SHANK2: variants seen among roughly 807,000 people sequenced by gnomAD.
SHANK2 encodes SH3 and multiple ankyrin repeat domains protein 2.
SHANK2 carries 43 observed loss-of-function variants against 133.7 expected under a neutral mutation model. The ratio of observed to expected loss-of-function variants is 0.32; its 90% CI spans 0.25 to 0.41. The LOEUF is 0.41. Among genes scored for constraint, SHANK2 ranks in the 10% least tolerant of loss-of-function variants. The pLI, the probability that SHANK2 is intolerant of heterozygous loss-of-function variation, is 1.00. For synonymous variants in SHANK2, 1,017 were observed against 952.8 expected (o/e 1.07, Z -1.24); for missense variants, 1,994 against 2,235.8 (o/e 0.89, Z 2.18).
At chr11:70,680,351 G>A (rs1236409664) in intron 15 of SHANK2, among the ~76,000 whole-genome samples, 1 of 152,160 alleles carries the variant, frequency 6.6e-6, no homozygotes, top group Admixed American at 6.5e-5. Flanking sequence ...GTCTCACTGG[G>A]CTAAGACTGA....
At chr11:70,659,624 C>T (rs539095615) in intron 17 of SHANK2, among the ~76,000 whole-genome samples, 24 of 152,324 alleles carry the variant, frequency 1.6e-4, no homozygotes, top group East Asian at 1.4e-3. Context: ...CAACGGGTTA[C>T]GGCCAAGGCC....
At chr11:71,236,152 C>T (rs1410397684) in intron 1 of SHANK2, among the ~76,000 whole-genome samples, 2 of 152,202 alleles carry the variant, frequency 1.3e-5, no homozygotes, top group Non-Finnish European at 2.9e-5. Context: ...ATAGAACACT[C>T]CTCATTCTCC....
chr11:70,768,707 C>T (rs1207404091), intron 14 of SHANK2, among the ~76,000 whole-genome samples: 1 of 152,206 alleles, frequency 6.6e-6, no homozygotes, highest in East Asian at 1.9e-4. Context: ...TCAGGAGAAA[C>T]AAGGCTGGGG....
At position 70,798,645 on chromosome 11, in the gene SHANK2, G is replaced by A. The variant is rs554431786; in HGVS notation, c.1664-89C>T. The A allele has an allele frequency of 1.7e-4, 117 of 688,352 alleles. 1 individual carries two copies. In the South Asian group the frequency reaches 1.7e-3, roughly 10 times the overall value. The allele number at this position is 688,352 out of a possible 1,614,324, so 42.6% of individuals were successfully genotyped here. A position where few individuals can be genotyped will look rare whatever the true frequency, so the allele number is the denominator to read the frequency against. Reference sequence around the variant, plus strand: ...GACGAGTGGGGCTGGGCAGAGGCAGGAGAATCAGCGCACCCCTGGCCAGGC... The same window carrying A: ...GACGAGTGGGGCTGGGCAGAGGCAGAAGAATCAGCGCACCCCTGGCCAGGC... On this transcript the variant is annotated intron_variant, in intron 13 of 25. Coordinates refer to ENST00000601538, the MANE Select transcript of SHANK2 (RefSeq NM_012309.5).
At chr11:70,654,860 C>T (rs1353839350) in intron 17 of SHANK2, among the ~76,000 whole-genome samples, 3 of 151,804 alleles carry the variant, frequency 2.0e-5, no homozygotes, top group Admixed American at 1.3e-4. Flanking sequence ...GTCCGCCTCC[C>T]GGGTTCAAGC....
At chr11:70,513,421 GCAGA>G (rs1212985673) in intron 17 of SHANK2, among the ~76,000 whole-genome samples, 2 of 152,170 alleles carry the variant, frequency 1.3e-5, no homozygotes, top group African/African-American at 2.4e-5. Context: ...CCACTGCAGG[GCAGA>G]CAAAGGTTGC....
chr11:70,704,344 C>T (rs891448599), intron 14 of SHANK2, among the ~76,000 whole-genome samples: 6 of 152,228 alleles, frequency 3.9e-5, no homozygotes, highest in Admixed American at 6.5e-5. Context: ...TGCTGCACTG[C>T]GTGGCTAAGA....
At chr11:70,691,860 C>T (rs1184686334) in intron 15 of SHANK2, among the ~76,000 whole-genome samples, 3 of 152,146 alleles carry the variant, frequency 2.0e-5, no homozygotes, top group Non-Finnish European at 4.4e-5. Flanking sequence ...TGCCATTGCA[C>T]TCCAGCCTGG....
intron 17 of SHANK2, among the ~76,000 whole-genome samples, chr11:70,563,374 C>T (rs1554981247): frequency 6.6e-6 from 1 of 152,192 alleles, no homozygotes. Flanking sequence ...AGACTTTGTG[C>T]CATTGTTGTC....
At chr11:70,811,812 CCCAT>C (rs1365048709) in intron 12 of SHANK2, among the ~76,000 whole-genome samples, 6 of 151,874 alleles carry the variant, frequency 4.0e-5, no homozygotes, top group African/African-American at 1.5e-4. Context: ...CATCCATCTA[CCCAT>C]CCATCCACCA....
intron 17 of SHANK2, chr11:70,635,615 G>A (rs1555003718): frequency 6.6e-6 from 1 of 152,094 alleles, no homozygotes; most frequent in South Asian, 2.1e-4. Context: ...AAGATGAGAA[G>A]GTTCTGGAGA....
At chr11:70,647,601 A>C (rs960624748) in intron 17 of SHANK2, 1 of 152,192 alleles carries the variant, frequency 6.6e-6, no homozygotes, top group African/African-American at 2.4e-5. Flanking sequence ...TCTCTCAAAA[A>C]CGGTGCTGGC....
Position 70,775,831 on chromosome 11 carries a change from C to T in SHANK2, c.1777+22612G>A, listed in dbSNP as rs530106986. The stretch of plus-strand genomic sequence containing the variant: ...TGGAGGTTTCATCGTTACCAGCACG[C>T]GGCCCCCATAAGCCAATGTTTATTC... On this transcript the variant is annotated intron_variant, in intron 14 of 25. Coordinates refer to ENST00000601538, the MANE Select transcript of SHANK2 (RefSeq NM_012309.5). Among the ~76,000 whole-genome samples, 8 of 152,368 alleles carry T rather than the reference C, an allele frequency of 5.3e-5. No individual in the cohort carries two copies. In the South Asian group the frequency reaches 8.3e-4, roughly 16 times the overall value.
intron 11 of SHANK2, among the ~76,000 whole-genome samples, chr11:70,852,988 C>T (rs964543023): frequency 6.6e-5 from 10 of 152,096 alleles, no homozygotes; most frequent in Non-Finnish European, 1.2e-4. Context: ...CAGTGGGCCA[C>T]GTGGGAAGTT....
At position 70,943,755 on chromosome 11, in the gene SHANK2, A is replaced by C. The variant is rs72960736; in HGVS notation, c.1108-47188T>G. 9.6e-4 allele frequency among the ~76,000 whole-genome samples: 146 copies of C among 152,254 alleles called. 2 individuals carry two copies. The South Asian group carries it at 0.018, about 19-fold the overall frequency. ...AATGAAATTTAACTTTTACAGCAAC[A>C]ATGTCCTGTCTGGATGGATGCTTTG... On this transcript the variant is annotated intron_variant, in intron 10 of 25. Transcript: ENST00000601538.
At chr11:70,673,683 C>T (rs1345373788) in intron 15 of SHANK2, among the ~76,000 whole-genome samples, 1 of 152,254 alleles carries the variant, frequency 6.6e-6, no homozygotes, top group East Asian at 1.9e-4. Context: ...GATCACCTGC[C>T]CAACCTGGAT....
chr11:71,233,946 C>T (rs1474608629), intron 1 of SHANK2, among the ~76,000 whole-genome samples: 3 of 151,918 alleles, frequency 2.0e-5, no homozygotes, highest in African/African-American at 7.3e-5. Context: ...TCTCGGGAGG[C>T]TGAGGCAGGA....
At chr11:71,159,720 A>G (rs376793121) in intron 2 of SHANK2, among the ~76,000 whole-genome samples, 2 of 152,222 alleles carry the variant, frequency 1.3e-5, no homozygotes, top group South Asian at 4.1e-4. Context: ...ATGGTGGCTC[A>G]TGCCCGTAAT....
At chr11:71,063,772 C>T (rs1457696642) in intron 9 of SHANK2, among the ~76,000 whole-genome samples, 2 of 152,176 alleles carry the variant, frequency 1.3e-5, no homozygotes, top group African/African-American at 2.4e-5. Flanking sequence ...TTTTTGAAGA[C>T]CCGAGCATCA....
Sources: allele counts gnomAD v4.1 joint callset (sites outside exome capture counted in the v4.1 genomes callset), GRCh38; gene constraint gnomAD v4.1.1; transcripts MANE v1.5; gene names NCBI Gene and HGNC (gene_info 2026-07-23, HGNC 2026-07-21).